Variants in NEK1 observed in about 807,000 individuals in gnomAD.
NEK1 encodes NIMA related kinase 1, also known as serine/threonine-protein kinase Nek1.
Under a neutral mutation model 182.1 loss-of-function variants are expected in NEK1, and 137 were observed. That is an observed-to-expected ratio of 0.75 (90% confidence interval 0.65 to 0.87). The LOEUF is 0.87. Ranked by LOEUF, NEK1 falls within the 40% of genes least tolerant of loss-of-function variation. The pLI is 0.00. For missense variants in NEK1, 1,391 were observed against 1,494.4 expected, an observed-to-expected ratio of 0.93 and a Z score of 1.14; for synonymous variants, 513 against 492.2, an observed-to-expected ratio of 1.04 and a Z score of -0.56.
chr4:169,473,139 GC>G, intron 26 of NEK1, among the ~76,000 whole-genome samples: 1 of 151,526 alleles, frequency 6.6e-6, no homozygotes, highest in East Asian at 1.9e-4. Flanking sequence ...GGCAGCACGT[GC>G]CTGTAGTTCC....
Position 169,438,172 on chromosome 4 carries a change from G to T in NEK1, c.2675C>A (p.Ala892Asp), listed in dbSNP as rs1443636951. The T allele has an allele frequency of 6.2e-7, 1 of 1,605,576 alleles. No individual in the cohort carries two copies. Among genetic ancestry groups the T allele is most frequent in the Non-Finnish European group, 8.5e-7 (1 of 1,175,276 alleles). The change falls in exon 28 of 36, where the codon GCT (alanine) becomes GAT (aspartate). Residue 892 changes from alanine (A) to aspartate (D), a missense_variant. Ala to Asp is a moderately radical substitution (Grantham distance 126). Around this residue, in one of 5 missense-constraint regions of NEK1, gnomAD observed 1,216 missense variants for 1,277.6 expected, o/e 0.95. Coordinates refer to ENST00000507142, the MANE Select transcript of NEK1 (RefSeq NM_001199397.3). The part of the protein sequence containing the change: ...QCISHEINPS[A>D]IVDSPVETKS... Reference sequence around the variant, plus strand: ...TGTCTCAACAGGAGAATCAACAATAGCTGATGGGTTTATTTCATGTGAAAT... The same window carrying T: ...TGTCTCAACAGGAGAATCAACAATATCTGATGGGTTTATTTCATGTGAAAT...
At chr4:169,505,308 A>G (rs1393793264) in intron 23 of NEK1, among the ~76,000 whole-genome samples, 1 of 152,064 alleles carries the variant, frequency 6.6e-6, no homozygotes, top group Non-Finnish European at 1.5e-5. Context: ...CCGAGACAGC[A>G]AGACCAACCC....
intron 31 of NEK1, among the ~76,000 whole-genome samples, chr4:169,410,542 C>A (rs1444624728): frequency 6.6e-6 from 1 of 152,160 alleles, no homozygotes; most frequent in African/African-American, 2.4e-5. Flanking sequence ...CTGTTTACTG[C>A]AATTAAATGC....
chr4:169,598,133 T>C (rs550699830), intron 5 of NEK1, among the ~76,000 whole-genome samples: 1 of 152,232 alleles, frequency 6.6e-6, no homozygotes, highest in African/African-American at 2.4e-5. Context: ...TTCAATACTT[T>C]TATAATTCAA....
chr4:169,567,137 G>A (rs1023029542), intron 12 of NEK1, among the ~76,000 whole-genome samples: 1 of 151,948 alleles, frequency 6.6e-6, no homozygotes, highest in African/African-American at 2.4e-5. Flanking sequence ...TTACAATCAT[G>A]CAAAAATCAT....
At chr4:169,531,392 GAGAC>G (rs1322979994) in intron 19 of NEK1, among the ~76,000 whole-genome samples, 5 of 152,012 alleles carry the variant, frequency 3.3e-5, no homozygotes, top group Middle Eastern at 3.4e-3. Flanking sequence ...CAGGAGGAAA[GAGAC>G]AGGATGATAA....
chr4:169,424,869 G>C (rs1736103227), intron 30 of NEK1, 69 bp from the exon 31 acceptor site: 1 of 1,432,356 alleles, frequency 7.0e-7, no homozygotes, highest in East Asian at 2.3e-5. Context: ...ATATTGATAA[G>C]GCACAGTATG....
chr4:169,508,710 A>C, intron 20 of NEK1, 59 bp downstream of exon 20: 1 of 1,262,850 alleles, frequency 7.9e-7, no homozygotes, highest in Non-Finnish European at 1.1e-6. Context: ...GCAAGAAAAG[A>C]AGGCAATAAA....
intron 33 of NEK1, among the ~76,000 whole-genome samples, chr4:169,400,985 T>C (rs779090611): frequency 6.6e-5 from 10 of 150,736 alleles, no homozygotes; most frequent in Non-Finnish European, 1.2e-4. Context: ...CCCTAACTAG[T>C]ATTTTCAAAA....
chr4:169,610,016 C>CTT (rs538596187), intron 2 of NEK1, among the ~76,000 whole-genome samples: 1,756 of 135,316 alleles, frequency 0.013, 43 homozygotes, highest in African/African-American at 0.045. Context: ...CTAAGAATTT[C>CTT]TTTTTTTTTT....
At chr4:169,435,763 C>T (rs1299303526) in intron 28 of NEK1, among the ~76,000 whole-genome samples, 2 of 152,130 alleles carry the variant, frequency 1.3e-5, no homozygotes, top group Non-Finnish European at 2.9e-5. Context: ...GCCAATATGC[C>T]AGGCATGGGA....
intron 31 of NEK1, 121 bp from the exon 32 acceptor site, chr4:169,406,868 T>C: frequency 1.8e-6 from 1 of 567,108 alleles, no homozygotes. Flanking sequence ...TATAAAAAGT[T>C]TTTTTATATA....
intron 31 of NEK1, among the ~76,000 whole-genome samples, chr4:169,421,194 T>A (rs1463502253): frequency 6.6e-6 from 1 of 152,104 alleles, no homozygotes; most frequent in African/African-American, 2.4e-5. Flanking sequence ...GAGTGGAAAT[T>A]TCAACACTCC....
At chr4:169,417,533 A>G (rs1422024429) in intron 31 of NEK1, among the ~76,000 whole-genome samples, 2 of 152,218 alleles carry the variant, frequency 1.3e-5, no homozygotes, top group African/African-American at 4.8e-5. Context: ...AATCTGTAGG[A>G]AAGAACTAGA....
chr4:169,590,035 C>CAGTG (rs1293184125), intron 6 of NEK1, among the ~76,000 whole-genome samples: 1 of 152,132 alleles, frequency 6.6e-6, no homozygotes, highest in African/African-American at 2.4e-5. Flanking sequence ...GGGCCAGGCG[C>CAGTG]AGTGGCTCAC....
chr4:169,595,791 C>T (rs1297547030), intron 5 of NEK1, among the ~76,000 whole-genome samples: 2 of 151,776 alleles, frequency 1.3e-5, no homozygotes, highest in African/African-American at 2.4e-5. Context: ...GGCGTGGTGG[C>T]GGGCGCCTGT....
At chr4:169,485,402 A>T (rs928417192) in intron 23 of NEK1, among the ~76,000 whole-genome samples, 1 of 152,214 alleles carries the variant, frequency 6.6e-6, no homozygotes, top group African/African-American at 2.4e-5. Context: ...TAAGTAACTT[A>T]TTAGTACAGT....
intron 10 of NEK1, among the ~76,000 whole-genome samples, chr4:169,581,421 C>T (rs1766631280): frequency 1.3e-5 from 2 of 151,928 alleles, no homozygotes; most frequent in Non-Finnish European, 2.9e-5. Flanking sequence ...CGTGTGTCAC[C>T]ATGCCAGGCT....
intron 19 of NEK1, among the ~76,000 whole-genome samples, chr4:169,514,079 G>A (rs899638134): frequency 2.0e-5 from 3 of 151,742 alleles, no homozygotes; most frequent in Non-Finnish European, 4.4e-5. Context: ...TCCACCTCCC[G>A]GGTTCATGCC....
Sources: gnomAD v4.1 joint callset for allele counts (sites outside exome capture counted in the v4.1 genomes callset) on GRCh38, gnomAD v4.1.1 for gene constraint, gnomAD v4.1.1 regional missense constraint, MANE v1.5 for transcripts, NCBI Gene and HGNC (gene_info 2026-07-23, HGNC 2026-07-21) for gene names.